The following SLC35E3 variants were observed in gnomAD, a reference collection of about 807,000 sequenced individuals.
The protein encoded by SLC35E3 is bladder cancer-overexpressed gene 1 protein.
SLC35E3 carries 28 observed loss-of-function variants against 30.8 expected under a neutral mutation model. The observed-to-expected ratio is 0.91, with a 90% CI of 0.67 to 1.25. The LOEUF (loss-of-function observed/expected upper bound fraction) is 1.25. Among genes scored for constraint, SLC35E3 ranks in the 50% most tolerant of loss-of-function variants. The pLI, the probability that SLC35E3 is intolerant of heterozygous loss-of-function variation, is 0.00. For missense variants in SLC35E3, 365 were observed against 375.4 expected (o/e 0.97, Z 0.23); for synonymous variants, 146 against 149.2 (o/e 0.98, Z 0.16).
At position 68,778,222 on chromosome 12, in the gene SLC35E3, T is replaced by TA. The variant is rs1400245256; in HGVS notation, c.*13335dup. 1 of 151,960 alleles carries TA rather than the reference T, an allele frequency of 6.6e-6. No individual in the cohort carries two copies. Among genetic ancestry groups the TA allele is most frequent in the East Asian group, 1.9e-4 (1 of 5,192 alleles). The allele number at this position is 151,960 out of a possible 1,614,324, so 9.4% of individuals were successfully genotyped here. On this transcript the variant is annotated 3_prime_UTR_variant, in exon 5 of 5. Coordinates refer to ENST00000398004, the MANE Select transcript of SLC35E3 (RefSeq NM_018656.5). ...TTAATAGGATCAAGATTTTTTTTTTTAAAGAACAATCCACCACAAACATAG... is the reference window on the plus strand; with the variant it reads ...TTAATAGGATCAAGATTTTTTTTTTTAAAAGAACAATCCACCACAAACATAG...
chr12:68,748,124 T>C, intron 2 of SLC35E3, 84 bp downstream of exon 2: 1 of 786,660 alleles, frequency 1.3e-6, no homozygotes, highest in Non-Finnish European at 2.2e-6. Flanking sequence ...GAAAATACAG[T>C]ATAGAGACAA....
intron 3 of SLC35E3, 100 bp downstream of exon 3, chr12:68,752,290 C>G: frequency 1.8e-6 from 2 of 1,127,202 alleles, no homozygotes; most frequent in Middle Eastern, 2.7e-4. Flanking sequence ...CCGATCCATT[C>G]TCACATTTAT....
intron 3 of SLC35E3, among the ~76,000 whole-genome samples, chr12:68,756,737 C>T (rs1192453248): frequency 2.0e-5 from 3 of 152,200 alleles, no homozygotes; most frequent in Non-Finnish European, 2.9e-5. Context: ...CGCAGTGGCT[C>T]ACCCCTGTAA....
chr12:68,746,872 A>G, intron 1 of SLC35E3, 93 bp downstream of exon 1: 1 of 1,330,714 alleles, frequency 7.5e-7, no homozygotes, highest in East Asian at 2.3e-5. Flanking sequence ...CTTTCCCTTC[A>G]TCTTGAAATC....
chr12:68,748,689 T>A (rs1446319325), intron 2 of SLC35E3, among the ~76,000 whole-genome samples: 2 of 152,216 alleles, frequency 1.3e-5, no homozygotes, highest in Non-Finnish European at 2.9e-5. Flanking sequence ...GGTTTTTGAT[T>A]CTTATTTAGT....
intron 4 of SLC35E3, among the ~76,000 whole-genome samples, chr12:68,763,674 C>T (rs968949061): frequency 1.2e-4 from 18 of 151,820 alleles, no homozygotes; most frequent in African/African-American, 3.4e-4. Flanking sequence ...GGATTAGAGG[C>T]GTGAGCCACC....
intron 4 of SLC35E3, among the ~76,000 whole-genome samples, chr12:68,763,276 G>T (rs1006207069): frequency 6.6e-6 from 1 of 152,062 alleles, no homozygotes; most frequent in Non-Finnish European, 1.5e-5. Context: ...GTTGTAGTTA[G>T]GAAAAGCACA....
intron 4 of SLC35E3, among the ~76,000 whole-genome samples, chr12:68,759,699 G>GTCTTAAAAAA (rs1879174822): frequency 6.8e-6 from 1 of 147,392 alleles, no homozygotes; most frequent in Non-Finnish European, 1.5e-5. Context: ...GCAAGACTCT[G>GTCTTAAAAAA]TCTTAAAAAA....
At chr12:68,753,834 A>ACACACC (rs762941770) in intron 3 of SLC35E3, among the ~76,000 whole-genome samples, 100 of 148,044 alleles carry the variant, frequency 6.8e-4, no homozygotes, top group East Asian at 3.4e-3. Context: ...ACACACACAC[A>ACACACC]CCCCAATTAA....
Position 68,769,580 on chromosome 12 carries a change from A to G in SLC35E3, c.*4690A>G, listed in dbSNP as rs1471669405. The G allele has an allele frequency of 2.0e-5, 3 of 151,992 alleles. No homozygotes were observed. The highest frequency in any genetic ancestry group is 2.9e-5 in the Non-Finnish European group (2 of 68,010). The allele number at this position is 151,992 out of a possible 1,614,324, so 9.4% of individuals were successfully genotyped here. On this transcript the variant is annotated 3_prime_UTR_variant, in exon 5 of 5. Transcript: ENST00000398004. ...AGGCTGAGGCTGGAGAATCCCTTGA[A>G]CTTGGGAGGCGGAGGTTTCAGTGAG...
chr12:68,778,889 G>A lies in SLC35E3; in HGVS notation c.*13999G>A, dbSNP rs746908290. On this transcript the variant is annotated 3_prime_UTR_variant, in exon 5 of 5. Transcript: ENST00000398004. ...GGAGGCCAAGGTAGGTGAATCACTT[G>A]AGCCCAGGAGTTTGAGACCAACCTG... 2 of 152,108 alleles carry A rather than the reference G, an allele frequency of 1.3e-5. No individual in the cohort carries two copies. The highest frequency in any genetic ancestry group is 2.9e-5 in the Non-Finnish European group (2 of 68,102). The allele number at this position is 152,108 out of a possible 1,614,324, so 9.4% of individuals were successfully genotyped here. A position where few individuals can be genotyped will look rare whatever the true frequency, so the allele number is the denominator to read the frequency against.
At chr12:68,751,908 T>A in intron 2 of SLC35E3, 124 bp from the exon 3 acceptor site, 1 of 857,022 alleles carries the variant, frequency 1.2e-6, no homozygotes, top group Non-Finnish European at 1.7e-6. Flanking sequence ...GTAGAATAAT[T>A]AGACATTTTA....
In SLC35E3 at chr12:68,765,509, C is replaced by G. The variant is rs1708424016; in HGVS notation, c.*619C>G. 6.6e-6 allele frequency: 1 copy of G among 151,386 alleles called. No individual in the cohort carries two copies. Among genetic ancestry groups the G allele is most frequent in the Admixed American group, 6.6e-5 (1 of 15,116 alleles). 9.4% of individuals were successfully genotyped at this position (151,386 alleles called of 1,614,324 possible). On this transcript the variant is annotated 3_prime_UTR_variant, in exon 5 of 5. Transcript: ENST00000398004. ...GACTGAGACATGAGAATCGCTTGAG[C>G]CTGGGAGGCGGAGGTTGCAATGAGC...
At position 68,771,758 on chromosome 12, in the gene SLC35E3, T is replaced by A. The variant is rs1465816725; in HGVS notation, c.*6868T>A. 1 of 152,272 alleles carries A rather than the reference T, an allele frequency of 6.6e-6. No individual in the cohort carries two copies. The highest frequency in any genetic ancestry group is 1.5e-5 in the Non-Finnish European group (1 of 68,052). The allele number at this position is 152,272 out of a possible 1,614,324, so 9.4% of individuals were successfully genotyped here. On this transcript the variant is annotated 3_prime_UTR_variant, in exon 5 of 5. Coordinates refer to ENST00000398004, the MANE Select transcript of SLC35E3 (RefSeq NM_018656.5). ...AGCATGCAGTGGAACAGGTCTCACC[T>A]GGACGGCAGCACTGGGACTTCCAGT...
rs2136085188 is a variant in SLC35E3, at chr12:68,772,139, G to A, written c.*7249G>A. ...TGCAACCTCCGCCTCCCGGGTTCAAGCGATTCTCCCGCCTCTGCCTCCCGA... is the reference window on the plus strand; with the variant it reads ...TGCAACCTCCGCCTCCCGGGTTCAAACGATTCTCCCGCCTCTGCCTCCCGA... On this transcript the variant is annotated 3_prime_UTR_variant, in exon 5 of 5. Transcript: ENST00000398004. 1 of 152,106 alleles carries A rather than the reference G, an allele frequency of 6.6e-6. No individual in the cohort carries two copies. The allele number at this position is 152,106 out of a possible 1,614,324, so 9.4% of individuals were successfully genotyped here. A position where few individuals can be genotyped will look rare whatever the true frequency, so the allele number is the denominator to read the frequency against.
At chr12:68,753,806 C>CCACACACACA (rs765396545) in intron 3 of SLC35E3, among the ~76,000 whole-genome samples, 1 of 23,370 alleles carries the variant, frequency 4.3e-5, no homozygotes, top group Non-Finnish European at 9.8e-5. Context: ...CCGTATATAT[C>CCACACACACA]CATACACACA....
At position 68,747,530 on chromosome 12, in the gene SLC35E3, A is replaced by G. The variant is rs533850088; in HGVS notation, c.403-400A>G. Among the ~76,000 whole-genome samples the G allele has an allele frequency of 6.6e-5, 10 of 152,292 alleles. No homozygotes were observed. In the East Asian group the frequency reaches 1.9e-3, roughly 29 times the overall value. ...TGATCTGCCCGCCTTGGCCTCCGAA[A>G]GCGCTGGGGTTACAGTGGTGAGCCA... On this transcript the variant is annotated intron_variant, in intron 1 of 4. Transcript: ENST00000398004.
At chr12:68,749,460 A>G (rs1878711490) in intron 2 of SLC35E3, among the ~76,000 whole-genome samples, 2 of 152,176 alleles carry the variant, frequency 1.3e-5, no homozygotes, top group Admixed American at 6.5e-5. Context: ...AAGATGGTTG[A>G]CTCATTCATT....
At position 68,772,437 on chromosome 12, in the gene SLC35E3, ATTAC is replaced by A. The variant is rs1879626840; in HGVS notation, c.*7550_*7553del. ...TATGAGACGCATTTAATGTAATCAT[ATTAC>A]TTTCTTATATTAGAAGATAGGATTT... On this transcript the variant is annotated 3_prime_UTR_variant, in exon 5 of 5. Coordinates refer to ENST00000398004, the MANE Select transcript of SLC35E3 (RefSeq NM_018656.5). 1 of 152,160 alleles carries A rather than the reference ATTAC, an allele frequency of 6.6e-6. No individual in the cohort carries two copies. Among genetic ancestry groups the A allele is most frequent in the Non-Finnish European group, 1.5e-5 (1 of 68,030 alleles). 9.4% of individuals were successfully genotyped at this position (152,160 alleles called of 1,614,324 possible).
Sources: gnomAD v4.1 joint callset for allele counts (sites outside exome capture counted in the v4.1 genomes callset) on GRCh38, gnomAD v4.1.1 for gene constraint, MANE v1.5 for transcripts, NCBI Gene and HGNC (gene_info 2026-07-23, HGNC 2026-07-21) for gene names.